HNF4G: variants seen among roughly 807,000 people sequenced by gnomAD.
The protein encoded by HNF4G is hepatocyte nuclear factor 4 gamma.
Under a neutral mutation model 50.9 loss-of-function variants are expected in HNF4G, and 21 were observed. That is an observed-to-expected ratio of 0.41 (90% confidence interval 0.29 to 0.59). The LOEUF (loss-of-function observed/expected upper bound fraction) is 0.59. HNF4G is among the 20% of genes least tolerant of loss of function. The probability of loss-of-function intolerance (pLI) is 0.26; values close to 1 mark genes in which losing one functional copy is unlikely to be tolerated. For missense variants in HNF4G, 527 were observed against 559.4 expected (o/e 0.94, Z 0.58); for synonymous variants, 198 against 185.6 (o/e 1.07, Z -0.54).
At chr8:75,471,420 A>G (rs1812109464) in intron 1 of HNF4G, among the ~76,000 whole-genome samples, 2 of 152,178 alleles carry the variant, frequency 1.3e-5, no homozygotes, top group Non-Finnish European at 2.9e-5. Context: ...TTTTATAAAA[A>G]TATAAAATGT....
chr8:75,528,157 A>T (rs930727776), intron 2 of HNF4G, among the ~76,000 whole-genome samples: 2 of 152,160 alleles, frequency 1.3e-5, no homozygotes, highest in African/African-American at 4.8e-5. Flanking sequence ...TGGCCCATGT[A>T]GTAGGTAGAA....
chr8:75,554,268 G>A (rs1351861090), intron 5 of HNF4G, among the ~76,000 whole-genome samples: 13 of 152,158 alleles, frequency 8.5e-5, no homozygotes, highest in East Asian at 5.8e-4. Context: ...GTAGGGTTAC[G>A]TTATTTATCA....
intron 1 of HNF4G, among the ~76,000 whole-genome samples, chr8:75,432,112 G>T (rs1298188254): frequency 6.6e-6 from 1 of 151,678 alleles, no homozygotes; most frequent in Non-Finnish European, 1.5e-5. Context: ...TAATTAGCCA[G>T]GCGTCATGAT....
intron 1 of HNF4G, among the ~76,000 whole-genome samples, chr8:75,457,068 A>G (rs972078704): frequency 2.0e-5 from 3 of 152,200 alleles, no homozygotes; most frequent in Non-Finnish European, 4.4e-5. Flanking sequence ...ATTTGGTTAA[A>G]TATTTATAAT....
chr8:75,414,781 T>G (rs1034398579), intron 1 of HNF4G, among the ~76,000 whole-genome samples: 9 of 152,260 alleles, frequency 5.9e-5, no homozygotes, highest in African/African-American at 1.7e-4. Flanking sequence ...TTCTGCAATT[T>G]GTTTATCCAT....
chr8:75,516,683 A>T (rs1398281800), intron 2 of HNF4G, among the ~76,000 whole-genome samples: 3 of 152,112 alleles, frequency 2.0e-5, no homozygotes, highest in Non-Finnish European at 4.4e-5. Flanking sequence ...TGTTATTGTG[A>T]ATTTGCATAC....
chr8:75,453,220 A>G (rs1443455333), intron 1 of HNF4G, among the ~76,000 whole-genome samples: 2 of 152,234 alleles, frequency 1.3e-5, no homozygotes, highest in African/African-American at 4.8e-5. Context: ...AGGTGAAGCC[A>G]GCTGGACTTC....
chr8:75,510,455 A>G (rs1805719493), intron 2 of HNF4G, among the ~76,000 whole-genome samples: 2 of 152,176 alleles, frequency 1.3e-5, no homozygotes, highest in African/African-American at 2.4e-5. Flanking sequence ...CTCACCACAC[A>G]CTCACTGACT....
chr8:75,418,790 C>T (rs1031348961), intron 1 of HNF4G, among the ~76,000 whole-genome samples: 1 of 145,564 alleles, frequency 6.9e-6, no homozygotes, highest in African/African-American at 2.6e-5. Context: ...TGCAATGGCA[C>T]GATCTCAGCT....
intron 2 of HNF4G, among the ~76,000 whole-genome samples, chr8:75,517,947 C>T (rs536924570): frequency 5.9e-5 from 9 of 151,622 alleles, no homozygotes; most frequent in South Asian, 2.1e-4. Flanking sequence ...TCCATACACC[C>T]GCTGAAATCT....
intron 2 of HNF4G, among the ~76,000 whole-genome samples, chr8:75,528,201 T>C (rs565961579): frequency 6.6e-6 from 1 of 152,314 alleles, no homozygotes; most frequent in East Asian, 1.9e-4. Flanking sequence ...CTTATCCATG[T>C]CTTGGTACTA....
chr8:75,485,888 T>C (rs1812486374), intron 1 of HNF4G: 1 of 152,180 alleles, frequency 6.6e-6, no homozygotes, highest in Admixed American at 6.5e-5. Context: ...ATAATTTTGA[T>C]GGTACAGGGG....
At chr8:75,411,350 A>G (rs1460969189) in intron 1 of HNF4G, among the ~76,000 whole-genome samples, 2 of 152,232 alleles carry the variant, frequency 1.3e-5, no homozygotes, top group Non-Finnish European at 2.9e-5. Flanking sequence ...TATCTGTAAG[A>G]GGTATCAGCA....
intron 1 of HNF4G, among the ~76,000 whole-genome samples, chr8:75,417,121 GCACACA>G (rs36033284): frequency 0.12 from 18,651 of 151,266 alleles, 1,397 homozygotes; most frequent in African/African-American, 0.21. Flanking sequence ...ACGCGTGTGC[GCACACA>G]CACACACACA....
At chr8:75,409,430 A>C (rs1262153433) in intron 1 of HNF4G, among the ~76,000 whole-genome samples, 1 of 152,010 alleles carries the variant, frequency 6.6e-6, no homozygotes, top group African/African-American at 2.4e-5. Flanking sequence ...AAGATTAAAA[A>C]AAAATACTCC....
At chr8:75,438,930 A>C (rs893700075) in intron 1 of HNF4G, among the ~76,000 whole-genome samples, 11 of 151,734 alleles carry the variant, frequency 7.2e-5, no homozygotes, top group African/African-American at 2.7e-4. Context: ...TTCTCCACTT[A>C]ATTATATCTC....
rs542246055 is a variant in HNF4G at position 75,466,570 on chromosome 8, C to CTCCTTCCT, written c.-143-23460_-143-23453dup. Among the ~76,000 whole-genome samples the CTCCTTCCT allele has an allele frequency of 1.3e-3, 85 of 64,920 alleles. 6 individuals are homozygous for CTCCTTCCT. The highest frequency in any genetic ancestry group is 7.7e-3 in the East Asian group (15 of 1,942). The allele number at this position is 64,920 out of a possible 152,430, so 42.6% of individuals were successfully genotyped here. On this transcript the variant is annotated intron_variant, in intron 1 of 10. Coordinates refer to the HNF4G transcript ENST00000354370. ...CTCCTTCTTCTCTTCTCTTTTCTCG[C>CTCCTTCCT]TCCTTCCTTCCTTCCTTCCTTCCTT...
At chr8:75,502,343 A>G (rs1812952672) in intron 2 of HNF4G, among the ~76,000 whole-genome samples, 1 of 152,178 alleles carries the variant, frequency 6.6e-6, no homozygotes. Context: ...AACACAGTAA[A>G]ACATAGAGAT....
chr8:75,493,721 A>G (rs1359952963), intron 2 of HNF4G, among the ~76,000 whole-genome samples: 1 of 152,150 alleles, frequency 6.6e-6, no homozygotes, highest in Non-Finnish European at 1.5e-5. Flanking sequence ...TTACCTGTTT[A>G]AACAATGTTT....
Sources: gnomAD v4.1 joint callset for allele counts (sites outside exome capture counted in the v4.1 genomes callset) on GRCh38, gnomAD v4.1.1 for gene constraint, MANE v1.5 for transcripts, NCBI Gene and HGNC (gene_info 2026-07-23, HGNC 2026-07-21) for gene names.